The following PRELID2 variants were observed in gnomAD, a reference collection of about 807,000 sequenced individuals.
The protein encoded by PRELID2 is PRELI domain containing 2, also known as PRELI domain-containing protein 2.
A neutral mutation model predicts 28.4 loss-of-function variants in PRELID2; 25 were observed. The observed-to-expected ratio is 0.88, with a 90% CI of 0.64 to 1.23. The LOEUF is 1.23. Among genes scored for constraint, PRELID2 ranks in the 50% most tolerant of loss-of-function variants. The pLI is 0.00. For missense variants in PRELID2, 201 were observed against 214.4 expected, an observed-to-expected ratio of 0.94 and a Z score of 0.39; for synonymous variants, 76 against 71.6, an observed-to-expected ratio of 1.06 and a Z score of -0.31.
At chr5:145,504,558 C>T (rs937796932) in intron 1 of PRELID2, among the ~76,000 whole-genome samples, 3 of 152,106 alleles carry the variant, frequency 2.0e-5, no homozygotes, top group African/African-American at 7.2e-5. Context: ...GGTAAGGCAA[C>T]GTGGGGTCAT....
At chr5:145,826,170 T>C in intron 1 of PRELID2, 1 of 985,382 alleles carries the variant, frequency 1.0e-6, no homozygotes, top group South Asian at 4.7e-5. Context: ...ATGCGCATGA[T>C]CTCATTCAGT....
chr5:145,734,446 T>A (rs1327357649), intron 1 of PRELID2, among the ~76,000 whole-genome samples: 1 of 152,208 alleles, frequency 6.6e-6, no homozygotes, highest in African/African-American at 2.4e-5. Context: ...CAAATTATTA[T>A]AAATGCAACG....
chr5:145,656,643 A>T (rs1259186059), intron 1 of PRELID2, among the ~76,000 whole-genome samples: 1 of 151,670 alleles, frequency 6.6e-6, no homozygotes, highest in Non-Finnish European at 1.5e-5. Context: ...TCAGCAAACT[A>T]TCGCAAGGAC....
chr5:145,726,223 A>AGAAAGGAAGGAG (rs1467168477), intron 1 of PRELID2, among the ~76,000 whole-genome samples: 1 of 106,624 alleles, frequency 9.4e-6, no homozygotes, highest in African/African-American at 4.4e-5. Context: ...GAAGAAAGGA[A>AGAAAGGAAGGAG]GGAAGGAAGG....
At chr5:145,232,390 G>A in the PRELID2 span, among the ~76,000 whole-genome samples, 1 of 152,092 alleles carries the variant, frequency 6.6e-6, no homozygotes, top group Non-Finnish European at 1.5e-5. Flanking sequence ...AAATAAGTGG[G>A]GAAGTAGGGC....
At chr5:145,598,222 C>A (rs536444426) in intron 1 of PRELID2, among the ~76,000 whole-genome samples, 13 of 152,040 alleles carry the variant, frequency 8.6e-5, no homozygotes, top group Non-Finnish European at 1.5e-5. Flanking sequence ...TTAAATAGAC[C>A]AGTACCAGTG....
chr5:145,728,013 T>C (rs538354926), intron 1 of PRELID2, among the ~76,000 whole-genome samples: 21 of 152,328 alleles, frequency 1.4e-4, no homozygotes, highest in African/African-American at 4.3e-4. Flanking sequence ...ACTTTCCCTC[T>C]CAGATTTTGA....
chr5:145,803,036 A>G (rs1006778715), intron 4 of PRELID2, among the ~76,000 whole-genome samples: 5 of 152,152 alleles, frequency 3.3e-5, no homozygotes, highest in African/African-American at 9.7e-5. Context: ...ATGGGAATCT[A>G]ATTAAAGTGT....
chr5:145,810,464 A>C (rs571882754), intron 4 of PRELID2, among the ~76,000 whole-genome samples: 2 of 152,214 alleles, frequency 1.3e-5, no homozygotes, highest in African/African-American at 4.8e-5. Context: ...TCCAGAGCTT[A>C]AATTTCATTC....
chr5:145,332,490 T>C, the PRELID2 span, among the ~76,000 whole-genome samples: 1 of 152,056 alleles, frequency 6.6e-6, no homozygotes, highest in Non-Finnish European at 1.5e-5. Flanking sequence ...TCTCTAATCC[T>C]GTCTTCACAT....
chr5:145,279,378 T>C, the PRELID2 span, among the ~76,000 whole-genome samples: 1 of 152,212 alleles, frequency 6.6e-6, no homozygotes, highest in African/African-American at 2.4e-5. Context: ...AAAGTTCTTA[T>C]GAACAAGCCC....
chr5:145,297,719 T>C, the PRELID2 span, among the ~76,000 whole-genome samples: 11 of 151,996 alleles, frequency 7.2e-5, no homozygotes, highest in Non-Finnish European at 1.0e-4. Flanking sequence ...TCTAGAAAAC[T>C]CCATCGTCTC....
chr5:145,327,268 G>A, the PRELID2 span, among the ~76,000 whole-genome samples: 6 of 152,088 alleles, frequency 3.9e-5, no homozygotes, highest in East Asian at 1.2e-3. Context: ...CTTTAATTAT[G>A]TGAATATTTG....
intron 1 of PRELID2, among the ~76,000 whole-genome samples, chr5:145,617,350 A>G (rs1246521418): frequency 1.3e-5 from 2 of 152,234 alleles, no homozygotes; most frequent in African/African-American, 4.8e-5. Flanking sequence ...TTCACAATTT[A>G]TGTTCAGAGA....
chr5:145,496,664 G>C (rs1423407708), intron 1 of PRELID2, among the ~76,000 whole-genome samples: 3 of 152,058 alleles, frequency 2.0e-5, no homozygotes, highest in Non-Finnish European at 4.4e-5. Flanking sequence ...ACTCTCCATT[G>C]GTCTAGCTGA....
chr5:145,591,177 T>C (rs1753221545), intron 1 of PRELID2, among the ~76,000 whole-genome samples: 1 of 151,780 alleles, frequency 6.6e-6, no homozygotes, highest in Non-Finnish European at 1.5e-5. Flanking sequence ...ATGCCTGGGG[T>C]CCCAGCTACT....
At chr5:145,750,187 A>G (rs1029529028) in intron 1 of PRELID2, among the ~76,000 whole-genome samples, 1 of 152,084 alleles carries the variant, frequency 6.6e-6, no homozygotes, top group African/African-American at 2.4e-5. Flanking sequence ...GAATTCTACT[A>G]AACATTTAAG....
the PRELID2 span, among the ~76,000 whole-genome samples, chr5:145,327,938 C>T: frequency 6.6e-6 from 1 of 152,036 alleles, no homozygotes; most frequent in East Asian, 1.9e-4. Context: ...CCCCTACTCC[C>T]CCCATCCCCC....
rs948940049 is a variant in PRELID2 at position 145,815,853 on chromosome 5, T to C, written c.368+2041A>G. ...TTCTACATTCTGGCTATTATAATGC[T>C]ATGAAAGTTTTGTACAAGTTTTTGT... On this transcript the variant is annotated intron_variant, in intron 4 of 6. Coordinates refer to ENST00000683046, the MANE Select transcript of PRELID2 (RefSeq NM_205846.3). Among the ~76,000 whole-genome samples, 25 of 152,326 alleles carry C rather than the reference T, an allele frequency of 1.6e-4. No homozygotes were observed. In the South Asian group the frequency reaches 2.1e-3, roughly 13 times the overall value.
Sources: allele counts gnomAD v4.1 joint callset (sites outside exome capture counted in the v4.1 genomes callset), GRCh38; gene constraint gnomAD v4.1.1; transcripts MANE v1.5; gene names NCBI Gene and HGNC (gene_info 2026-07-23, HGNC 2026-07-21).